Variants in AFMID observed in about 807,000 individuals in gnomAD.
AFMID encodes the protein kynurenine formamidase.
A neutral mutation model predicts 47.5 loss-of-function variants in AFMID; 39 were observed. The observed-to-expected ratio is 0.82, with a 90% CI of 0.64 to 1.07. AFMID has a LOEUF of 1.07. Ranked by LOEUF, AFMID falls within the 50% of genes least tolerant of loss-of-function variation. The pLI is 0.00. For missense variants in AFMID, 375 were observed against 387.5 expected (o/e 0.97, Z 0.27); for synonymous variants, 130 against 153.2 (o/e 0.85, Z 1.12).
Position 78,205,621 on chromosome 17 carries a change from T to G in AFMID, c.663T>G (p.Asn221Lys). Residue 221 changes from asparagine to lysine, a missense_variant, in exon 9 of 11, where the codon AAT (asparagine) becomes AAG (lysine). Asn to Lys is a moderately conservative substitution (Grantham distance 94). Transcript: ENST00000409257. ...LQLTLEDAQRNSPQLKVAQAQ... is the reference protein window; with the variant it reads ...LQLTLEDAQRKSPQLKVAQAQ... The stretch of plus-strand genomic sequence containing the variant: ...ACCCCAGGGAGGACGCTCAGAGGAA[T>G]AGCCCCCAGCTGAAGGTGGCCCAGG... 6.2e-7 allele frequency: 1 copy of G among 1,613,834 alleles called. No homozygotes were observed. Among genetic ancestry groups the G allele is most frequent in the Non-Finnish European group, 8.5e-7 (1 of 1,179,816 alleles).
chr17:78,206,414 T>TTTTTTTTTTTC (rs1390808128), intron 10 of AFMID, among the ~76,000 whole-genome samples: 1 of 145,154 alleles, frequency 6.9e-6, no homozygotes, highest in Non-Finnish European at 1.5e-5. Context: ...TGTTTCTTTC[T>TTTTTTTTTTTC]TTTTTTTTTT....
intron 2 of AFMID, among the ~76,000 whole-genome samples, chr17:78,201,640 A>G (rs1567851633): frequency 1.3e-5 from 2 of 152,174 alleles, no homozygotes; most frequent in African/African-American, 4.8e-5. Flanking sequence ...TTAAAACAAA[A>G]AAGTATAGCG....
Position 78,207,148 on chromosome 17 carries a change from A to AGGCTGGGGAGCTCCAGGCT in AFMID, c.*213_*214insCTGGGGAGCTCCAGGCTGG. On this transcript the variant is annotated 3_prime_UTR_variant, in exon 11 of 11. Coordinates refer to ENST00000409257, the MANE Select transcript of AFMID (RefSeq NM_001010982.5). ...CTCTTCCCAGCCTGGATGGAGCTCC[A>AGGCTGGGGAGCTCCAGGCT]GGGCTGGGGAACGTCCGCAAGTCAA... 1 of 619,118 alleles carries AGGCTGGGGAGCTCCAGGCT rather than the reference A, an allele frequency of 1.6e-6. No individual in the cohort carries two copies. Among genetic ancestry groups the AGGCTGGGGAGCTCCAGGCT allele is most frequent in the Admixed American group, 2.9e-5 (1 of 34,670 alleles). The allele number at this position is 619,118 out of a possible 1,614,324, so 38.4% of individuals were successfully genotyped here.
intron 1 of AFMID, among the ~76,000 whole-genome samples, chr17:78,189,554 GCT>G (rs1439192266): frequency 2.8e-5 from 4 of 144,498 alleles, no homozygotes; most frequent in Admixed American, 7.0e-5. Flanking sequence ...ACAGGGTTTT[GCT>G]CTCTCAGGCT....
In AFMID at chr17:78,207,624, GAAT is replaced by G. The variant is rs74714973; in HGVS notation, c.*689_*691del. Reference sequence around the variant, plus strand: ...AAATAGTTCATAAAGAAGCACAAAAGAATATTATTTCATAACATGTAAAAATTA... The same window carrying G: ...AAATAGTTCATAAAGAAGCACAAAAGATTATTTCATAACATGTAAAAATTA... On this transcript the variant is annotated 3_prime_UTR_variant, in exon 11 of 11. Transcript: ENST00000409257. 16,026 of 152,106 alleles carry G rather than the reference GAAT, an allele frequency of 0.11. 964 individuals carry two copies. Among genetic ancestry groups the G allele is most frequent in the South Asian group, 0.23 (1,092 of 4,822 alleles). The allele number at this position is 152,106 out of a possible 1,614,324, so 9.4% of individuals were successfully genotyped here.
Position 78,207,076 on chromosome 17 carries a change from A to G in AFMID, c.*139A>G. On this transcript the variant is annotated 3_prime_UTR_variant, in exon 11 of 11. Coordinates refer to ENST00000409257, the MANE Select transcript of AFMID (RefSeq NM_001010982.5). Reference sequence around the variant, plus strand: ...TTGCTGTGTCTGTCTGCCCGGCAAGAGTCCATTCTCACTGCTGGGACACTC... The same window carrying G: ...TTGCTGTGTCTGTCTGCCCGGCAAGGGTCCATTCTCACTGCTGGGACACTC... 1 of 910,226 alleles carries G rather than the reference A, an allele frequency of 1.1e-6. No homozygotes were observed. The highest frequency in any genetic ancestry group is 1.8e-6 in the Non-Finnish European group (1 of 559,214). 56.4% of individuals were successfully genotyped at this position (910,226 alleles called of 1,614,324 possible).
intron 2 of AFMID, among the ~76,000 whole-genome samples, chr17:78,200,452 C>T (rs1396960495): frequency 6.6e-6 from 1 of 152,200 alleles, no homozygotes; most frequent in African/African-American, 2.4e-5. Flanking sequence ...GTTGGTATTT[C>T]CTTATTTGGA....
chr17:78,198,203 T>G (rs998533166), intron 2 of AFMID, among the ~76,000 whole-genome samples: 1 of 152,148 alleles, frequency 6.6e-6, no homozygotes, highest in Non-Finnish European at 1.5e-5. Flanking sequence ...CACTCCAGCC[T>G]GTGTGACAGA....
At chr17:78,194,361 G>A (rs2145854558) in intron 2 of AFMID, among the ~76,000 whole-genome samples, 1 of 152,264 alleles carries the variant, frequency 6.6e-6, no homozygotes, top group Non-Finnish European at 1.5e-5. Context: ...CTGGCCTCGA[G>A]TGATCTGCTC....
intron 2 of AFMID, among the ~76,000 whole-genome samples, chr17:78,194,829 G>C (rs1598994623): frequency 6.6e-6 from 1 of 151,988 alleles, no homozygotes; most frequent in South Asian, 2.1e-4. Flanking sequence ...TGAGTATCTG[G>C]GATTACAGGC....
chr17:78,190,870 G>C, intron 1 of AFMID, 100 bp from the exon 2 acceptor site: 2 of 1,011,842 alleles, frequency 2.0e-6, no homozygotes, highest in Non-Finnish European at 3.0e-6. Flanking sequence ...TGGGGCGAGG[G>C]CTTCTAAGGC....
intron 2 of AFMID, among the ~76,000 whole-genome samples, chr17:78,195,659 C>T (rs144686331): frequency 2.6e-5 from 4 of 151,712 alleles, no homozygotes; most frequent in South Asian, 2.1e-4. Flanking sequence ...TGCGCCACCA[C>T]GTCCAGCTAA....
intron 1 of AFMID, among the ~76,000 whole-genome samples, chr17:78,188,373 C>G (rs2075860350): frequency 6.6e-6 from 1 of 152,154 alleles, no homozygotes; most frequent in South Asian, 2.1e-4. Flanking sequence ...GACTGGCTTG[C>G]TTTATTTTAC....
chr17:78,202,746 C>G lies in AFMID; in HGVS notation c.303C>G (p.Ser101Arg). ...TCTTTCACGGAGGATACTGGCAGAG[C>G]GGAAGGTGAGTCGGGGGATGTGGAT... ...FLFFHGGYWQ[S>R]GSKDESAFMV... Residue 101 changes from serine to arginine, a missense_variant, in exon 4 of 11, where the codon AGC (serine) becomes AGG (arginine). Transcript: ENST00000409257. 1 of 1,557,640 alleles carries G rather than the reference C, an allele frequency of 6.4e-7. No individual in the cohort carries two copies. The highest frequency in any genetic ancestry group is 8.7e-7 in the Non-Finnish European group (1 of 1,150,268).
chr17:78,197,454 G>A, intron 2 of AFMID: 1 of 443,302 alleles, frequency 2.3e-6, no homozygotes, highest in East Asian at 4.1e-5. Flanking sequence ...AAGGATTGGT[G>A]GCAGGTCTGC....
intron 2 of AFMID, among the ~76,000 whole-genome samples, chr17:78,198,526 T>G (rs2145863852): frequency 6.6e-6 from 1 of 151,712 alleles, no homozygotes; most frequent in South Asian, 2.1e-4. Context: ...GAGAATCGCT[T>G]GAACCCAGGA....
chr17:78,188,164 AAAAG>A lies in AFMID; in HGVS notation c.63+743_63+746del, dbSNP rs543379326. ...GGCCGGGTGCGGTGGCTCAAAAAAA[AAAAG>A]AAAGAAAGAAAAGAAACCCATTGTA... is the stretch of plus-strand genomic sequence containing the variant. On this transcript the variant is annotated intron_variant, in intron 1 of 10. Transcript: ENST00000409257. 2.2e-3 allele frequency among the ~76,000 whole-genome samples: 342 copies of A among 152,092 alleles called. 4 individuals are homozygous for A. Among genetic ancestry groups the A allele is most frequent in the African/African-American group, 7.3e-3 (305 of 41,510 alleles).
chr17:78,205,933 C>G lies in AFMID; in HGVS notation c.781-13C>G. 6.2e-7 allele frequency: 1 copy of G among 1,613,162 alleles called. No individual in the cohort carries two copies. On this transcript the variant is annotated splice_polypyrimidine_tract_variant and intron_variant, in intron 9 of 10. Transcript: ENST00000409257. ...ACTGCTCAGGCCCCTCTTCCCATGT[C>G]TCCCCTGCCCAGACCCTGTGTCAAG...
At chr17:78,204,787 G>A (rs956307383) in intron 5 of AFMID, 41 bp from the exon 6 acceptor site, 1 of 1,614,058 alleles carries the variant, frequency 6.2e-7, no homozygotes, top group Admixed American at 1.7e-5. Flanking sequence ...TGGGCTTTAG[G>A]AGGAAGTGCA....
Sources: gnomAD v4.1 joint callset for allele counts (sites outside exome capture counted in the v4.1 genomes callset) on GRCh38, gnomAD v4.1.1 for gene constraint, MANE v1.5 for transcripts, NCBI Gene and HGNC (gene_info 2026-07-23, HGNC 2026-07-21) for gene names.